MBNL2: variants seen among roughly 807,000 people sequenced by gnomAD.
The protein encoded by MBNL2 is muscleblind like splicing regulator 2, also known as muscleblind-like protein 2.
Under a neutral mutation model 41.9 loss-of-function variants are expected in MBNL2, and 17 were observed. The observed-to-expected ratio is 0.41, with a 90% CI of 0.28 to 0.61. The LOEUF (loss-of-function observed/expected upper bound fraction) is 0.61, where lower values mean the gene tolerates loss of function less well. Ranked by LOEUF, MBNL2 falls within the 20% of genes least tolerant of loss-of-function variation. MBNL2 has a pLI of 0.35. For synonymous variants in MBNL2, 195 were observed against 182.9 expected, an observed-to-expected ratio of 1.07 and a Z score of -0.53; for missense variants, 336 against 505.6, an observed-to-expected ratio of 0.66 and a Z score of 3.22.
intron 1 of MBNL2, among the ~76,000 whole-genome samples, chr13:97,262,069 G>A (rs2048738967): frequency 6.6e-6 from 1 of 152,238 alleles, no homozygotes; most frequent in Admixed American, 6.5e-5. Flanking sequence ...GGGCTTCAGA[G>A]AGTGCACCCT....
the MBNL2 span, among the ~76,000 whole-genome samples, chr13:97,163,737 C>T: frequency 2.6e-5 from 4 of 152,286 alleles, no homozygotes; most frequent in Admixed American, 2.6e-4. Flanking sequence ...CACACACTCT[C>T]AGCAACCACC....
chr13:97,372,938 T>C (rs1447959483), intron 8 of MBNL2, among the ~76,000 whole-genome samples: 1 of 152,174 alleles, frequency 6.6e-6, no homozygotes, highest in African/African-American at 2.4e-5. Context: ...CATTAAACAT[T>C]CCCCACTATT....
rs552100912 is a variant in MBNL2, at chr13:97,349,684, T to G, written c.804+2617T>G. Among the ~76,000 whole-genome samples the G allele has an allele frequency of 1.6e-4, 24 of 152,230 alleles. No homozygotes were observed. In the South Asian group the frequency reaches 4.8e-3, roughly 30 times the overall value. On this transcript the variant is annotated intron_variant, in intron 5 of 8. Coordinates refer to ENST00000679496, the MANE Select transcript of MBNL2 (RefSeq NM_001382683.1). ...CTGGGACCACAGGTGCATGCCACCATGTCTAGCTAATTTTATATTTTTAGT... is the reference window on the plus strand; with the variant it reads ...CTGGGACCACAGGTGCATGCCACCAGGTCTAGCTAATTTTATATTTTTAGT...
intron 8 of MBNL2, among the ~76,000 whole-genome samples, chr13:97,385,052 CT>C (rs1308176290): frequency 6.6e-6 from 1 of 152,106 alleles, no homozygotes; most frequent in Admixed American, 6.5e-5. Flanking sequence ...GCAAAGGGTT[CT>C]TTTTCTGCCC....
chr13:97,372,108 C>T (rs1318803231), intron 8 of MBNL2, among the ~76,000 whole-genome samples: 1 of 152,160 alleles, frequency 6.6e-6, no homozygotes, highest in East Asian at 1.9e-4. Flanking sequence ...ACAGATTATC[C>T]ATCTAATTCA....
chr13:97,377,350 A>T (rs2065054637), intron 8 of MBNL2, among the ~76,000 whole-genome samples: 1 of 152,216 alleles, frequency 6.6e-6, no homozygotes, highest in Non-Finnish European at 1.5e-5. Context: ...TACATAAGGG[A>T]TTAGGATAAA....
the MBNL2 span, among the ~76,000 whole-genome samples, chr13:97,173,404 C>T: frequency 6.6e-6 from 1 of 152,176 alleles, no homozygotes; most frequent in Non-Finnish European, 1.5e-5. Context: ...TCCCACTATG[C>T]AGGAAGGAGG....
At chr13:97,152,809 G>A in the MBNL2 span, among the ~76,000 whole-genome samples, 1 of 152,074 alleles carries the variant, frequency 6.6e-6, no homozygotes, top group African/African-American at 2.4e-5. Flanking sequence ...CTCAAATGAG[G>A]GAGTATATCA....
chr13:97,354,515 A>C (rs1234421388), intron 5 of MBNL2, among the ~76,000 whole-genome samples: 1 of 152,164 alleles, frequency 6.6e-6, no homozygotes, highest in Admixed American at 6.5e-5. Context: ...CTCCCACCAC[A>C]GAGTGGTAGA....
the MBNL2 span, among the ~76,000 whole-genome samples, chr13:97,210,566 T>C: frequency 7.2e-6 from 1 of 139,246 alleles, no homozygotes; most frequent in African/African-American, 2.7e-5. Context: ...TCTATACAAC[T>C]GTGAATTTTT....
At chr13:97,322,946 C>G (rs1051720896) in intron 2 of MBNL2, among the ~76,000 whole-genome samples, 1 of 152,208 alleles carries the variant, frequency 6.6e-6, no homozygotes, top group African/African-American at 2.4e-5. Flanking sequence ...GTGGGCTTAA[C>G]TCTTTGATTG....
intron 8 of MBNL2, among the ~76,000 whole-genome samples, chr13:97,369,965 ATAT>A (rs960181838): frequency 1.3e-5 from 2 of 152,124 alleles, no homozygotes; most frequent in African/African-American, 4.8e-5. Context: ...AATAGTAATA[ATAT>A]TATTATTATA....
At chr13:97,283,926 G>T (rs74109433) in intron 2 of MBNL2, among the ~76,000 whole-genome samples, 4,653 of 152,178 alleles carry the variant, frequency 0.031, 216 homozygotes, top group African/African-American at 0.1. Context: ...AGGGCATCAG[G>T]CACCTCCAAA....
intron 2 of MBNL2, among the ~76,000 whole-genome samples, chr13:97,304,310 C>G (rs1456643596): frequency 6.6e-6 from 1 of 152,168 alleles, no homozygotes; most frequent in African/African-American, 2.4e-5. Flanking sequence ...CTTGGTGAGG[C>G]TTAGCAGGGA....
At chr13:97,361,925 A>G (rs2892853) in intron 7 of MBNL2, among the ~76,000 whole-genome samples, 65,716 of 151,326 alleles carry the variant, frequency 0.43, 14,613 homozygotes, top group African/African-American at 0.53. Flanking sequence ...GTCTGCCATC[A>G]CACCTGGCTA....
intron 8 of MBNL2, among the ~76,000 whole-genome samples, chr13:97,388,184 T>C (rs753048734): frequency 1.3e-5 from 2 of 152,084 alleles, no homozygotes; most frequent in Non-Finnish European, 2.9e-5. Flanking sequence ...GGGCCACATA[T>C]AAGCCTGGTA....
intron 2 of MBNL2, among the ~76,000 whole-genome samples, chr13:97,284,631 C>A (rs754396221): frequency 2.0e-5 from 3 of 152,074 alleles, no homozygotes; most frequent in Non-Finnish European, 4.4e-5. Flanking sequence ...ACAATTCAAC[C>A]CATTAATATA....
At chr13:97,160,703 A>G in the MBNL2 span, among the ~76,000 whole-genome samples, 1 of 152,170 alleles carries the variant, frequency 6.6e-6, no homozygotes, top group African/African-American at 2.4e-5. Context: ...CATTCTTAAG[A>G]ATAAACTCCT....
At chr13:97,148,218 G>T in the MBNL2 span, among the ~76,000 whole-genome samples, 4 of 152,196 alleles carry the variant, frequency 2.6e-5, no homozygotes, top group Non-Finnish European at 5.9e-5. Flanking sequence ...GAGGCTTCTT[G>T]TATGATTAGC....
Sources: gnomAD v4.1 joint callset for allele counts (sites outside exome capture counted in the v4.1 genomes callset) on GRCh38, gnomAD v4.1.1 for gene constraint, MANE v1.5 for transcripts, NCBI Gene and HGNC (gene_info 2026-07-23, HGNC 2026-07-21) for gene names.